The following ANKRD46 variants were observed in gnomAD, a reference collection of about 807,000 sequenced individuals.
ANKRD46 encodes the protein ankyrin repeat domain-containing protein 46.
Under a neutral mutation model 19.8 loss-of-function variants are expected in ANKRD46, and 13 were observed. That is an observed-to-expected ratio of 0.66 (90% CI 0.43 to 1.04). The LOEUF is 1.04. Ranked by LOEUF, ANKRD46 falls within the 50% of genes least tolerant of loss-of-function variation. ANKRD46 has a pLI of 0.00. For missense variants in ANKRD46, 185 were observed against 274.8 expected (o/e 0.67, Z 2.31); for synonymous variants, 91 against 106.9 (o/e 0.85, Z 0.92).
downstream of ANKRD46, among the ~76,000 whole-genome samples, chr8:100,518,580 G>C (rs1024099855): frequency 6.6e-6 from 1 of 152,016 alleles, no homozygotes; most frequent in Non-Finnish European, 1.5e-5. Context: ...GGCCGGGTGG[G>C]GTGGCTCACG....
rs992655694 is a variant in ANKRD46 at position 100,528,643 on chromosome 8, T to A, written c.312-640A>T. ...CATTTTATGAGACAAGTACTTTTTT[T>A]AAAAAAGTCTAAGAAAAAAATGTCA... On this transcript the variant is annotated intron_variant, in intron 3 of 4. Coordinates refer to ENST00000335659, the MANE Select transcript of ANKRD46 (RefSeq NM_001270377.2). Among the ~76,000 whole-genome samples, 23 of 152,096 alleles carry A rather than the reference T, an allele frequency of 1.5e-4. 1 individual carries two copies. Among genetic ancestry groups the A allele is most frequent in the African/African-American group, 4.3e-4 (18 of 41,506 alleles).
At chr8:100,556,705 T>A (rs1812507442) in intron 1 of ANKRD46, 1 of 152,204 alleles carries the variant, frequency 6.6e-6, no homozygotes, top group Non-Finnish European at 1.5e-5. Context: ...ACCTTCCTAT[T>A]ACTAAATCCA....
Position 100,524,642 on chromosome 8 carries a change from A to G in ANKRD46, c.471-1871T>C, listed in dbSNP as rs144024825. ...TAAGATTAGAACTTTGAGAAGGCCT[A>G]AAAGAGTAAAACCACAAATAGATAA... On this transcript the variant is annotated intron_variant, in intron 4 of 4. Coordinates refer to ENST00000335659, the MANE Select transcript of ANKRD46 (RefSeq NM_001270377.2). The surrounding 1 kb of genome is among the most constrained non-coding windows in gnomAD (Gnocchi z 4.3). 1.2e-3 allele frequency among the ~76,000 whole-genome samples: 176 copies of G among 152,320 alleles called. No homozygotes were observed. The highest frequency in any genetic ancestry group is 4.1e-3 in the African/African-American group (170 of 41,572).
At chr8:100,528,047 C>G (rs1811878861) in intron 3 of ANKRD46, 44 bp from the exon 4 acceptor site, 2 of 1,474,894 alleles carry the variant, frequency 1.4e-6, no homozygotes, top group Non-Finnish European at 1.8e-6. Context: ...AATAAAGAAG[C>G]CATCATAGCA....
intron 1 of ANKRD46, among the ~76,000 whole-genome samples, chr8:100,555,165 T>C (rs1812468009): frequency 6.6e-6 from 1 of 152,150 alleles, no homozygotes; most frequent in African/African-American, 2.4e-5. Context: ...CTCTAATTAT[T>C]TTCCTTATAG....
Position 100,510,445 on chromosome 8 carries a change from T to C in ANKRD46, c.*132A>G. 1.2e-6 allele frequency: 1 copy of C among 838,564 alleles called. No homozygotes were observed. 51.9% of individuals were successfully genotyped at this position (838,564 alleles called of 1,614,324 possible). Reference sequence around the variant, plus strand: ...GTAGCAGGTCCCTCTGCCTCCTAACTGCAGAGCTTTGAGATGATGCTCCAT... The same window carrying C: ...GTAGCAGGTCCCTCTGCCTCCTAACCGCAGAGCTTTGAGATGATGCTCCAT... On this transcript the variant is annotated 3_prime_UTR_variant, in exon 6 of 6. Coordinates refer to the ANKRD46 transcript ENST00000520552. The surrounding 1 kb of genome is among the most constrained non-coding windows in gnomAD (Gnocchi z 4.9).
chr8:100,517,283 G>A (rs560498552), downstream of ANKRD46, among the ~76,000 whole-genome samples: 1 of 152,282 alleles, frequency 6.6e-6, no homozygotes, highest in South Asian at 2.1e-4. Context: ...TACCTTTGCT[G>A]CCCAAGAGTA....
intron 5 of ANKRD46, among the ~76,000 whole-genome samples, chr8:100,513,313 C>T (rs1811578579): frequency 1.3e-5 from 2 of 152,290 alleles, no homozygotes; most frequent in South Asian, 4.1e-4. Context: ...TGACTCTACT[C>T]CCTGACTTTA....
intron 1 of ANKRD46, among the ~76,000 whole-genome samples, chr8:100,555,910 T>C (rs1812490540): frequency 6.6e-6 from 1 of 152,200 alleles, no homozygotes; most frequent in Admixed American, 6.5e-5. Context: ...AAAAGGCACA[T>C]TTATCCAGTC....
chr8:100,519,670 G>C (rs1004225806), downstream of ANKRD46, among the ~76,000 whole-genome samples: 1 of 152,190 alleles, frequency 6.6e-6, no homozygotes, highest in Admixed American at 6.5e-5. Context: ...AGTGGCAGGT[G>C]AATATTGTTC....
At chr8:100,549,713 A>C (rs1812343244) in intron 1 of ANKRD46, among the ~76,000 whole-genome samples, 1 of 152,196 alleles carries the variant, frequency 6.6e-6, no homozygotes. Context: ...CCCAGAGTCC[A>C]TAGTTTGCAT....
intron 5 of ANKRD46, among the ~76,000 whole-genome samples, chr8:100,513,934 T>G (rs1811588808): frequency 6.6e-6 from 1 of 152,214 alleles, no homozygotes; most frequent in East Asian, 1.9e-4. Flanking sequence ...TCAAAACCTA[T>G]TTTTATTTCT....
intron 1 of ANKRD46, among the ~76,000 whole-genome samples, chr8:100,553,333 T>C (rs16898575): frequency 1.3e-5 from 2 of 152,242 alleles, no homozygotes; most frequent in African/African-American, 4.8e-5. Context: ...TAAATTAACG[T>C]AGCAGCAATG....
Position 100,521,663 on chromosome 8 carries a change from A to G in ANKRD46, c.*892T>C, listed in dbSNP as rs1377398954. ...ACATGAAATAATTATGAACTATGAT[A>G]AAACTGTGACAACACAGCTAGCTTA... On this transcript the variant is annotated 3_prime_UTR_variant, in exon 5 of 5. Transcript: ENST00000335659. 23 of 985,338 alleles carry G rather than the reference A, an allele frequency of 2.3e-5. No individual in the cohort carries two copies. Among genetic ancestry groups the G allele is most frequent in the Non-Finnish European group, 3.6e-6 (3 of 829,914 alleles). The allele number at this position is 985,338 out of a possible 1,614,324, so 61.0% of individuals were successfully genotyped here.
chr8:100,557,705 T>C lies in ANKRD46; in HGVS notation c.-131+2006A>G, dbSNP rs960577145. Among the ~76,000 whole-genome samples the C allele has an allele frequency of 1.1e-4, 16 of 152,204 alleles. No individual in the cohort carries two copies. The highest frequency in any genetic ancestry group is 3.9e-4 in the African/African-American group (16 of 41,450). On this transcript the variant is annotated intron_variant, in intron 1 of 4. Transcript: ENST00000335659. The surrounding 1 kb of genome is among the most constrained non-coding windows in gnomAD (Gnocchi z 5.9). ...TACTGGCCTCCTTGCTGTTCCTCTC[T>C]TGCTGTCCCTCTAACAAGACTGAAG...
intron 1 of ANKRD46, among the ~76,000 whole-genome samples, chr8:100,542,640 G>T (rs1812197212): frequency 6.6e-6 from 1 of 152,012 alleles, no homozygotes; most frequent in South Asian, 2.1e-4. Flanking sequence ...TCTTTTTTGA[G>T]AGTAGGAAGT....
rs1018005949 is a variant in ANKRD46 at position 100,524,670 on chromosome 8, C to T, written c.471-1899G>A. Among the ~76,000 whole-genome samples the T allele has an allele frequency of 3.3e-5, 5 of 152,128 alleles. No individual in the cohort carries two copies. The highest frequency in any genetic ancestry group is 7.4e-5 in the Non-Finnish European group (5 of 68,008). ...AGAGTAAAACCACAAATAGATAACA[C>T]AGTTCTGCAGAGGCTTAGTTTGACC... On this transcript the variant is annotated intron_variant, in intron 4 of 4. Coordinates refer to ENST00000335659, the MANE Select transcript of ANKRD46 (RefSeq NM_001270377.2). The surrounding 1 kb of genome is among the most constrained non-coding windows in gnomAD (Gnocchi z 4.3).
chr8:100,528,085 T>C (rs1811879867), intron 3 of ANKRD46, 82 bp from the exon 4 acceptor site: 1 of 1,360,816 alleles, frequency 7.3e-7, no homozygotes, highest in Non-Finnish European at 9.6e-7. Flanking sequence ...GTTCCATTTT[T>C]AGTACCCACT....
rs1812515113 is a variant in ANKRD46 at position 100,557,055 on chromosome 8, C to T, written c.-131+2656G>A. Reference sequence around the variant, plus strand: ...CACACATATAACGATAGCTGATGAGCTTAAAAAAAAATACAATCAATCTCA... The same window carrying T: ...CACACATATAACGATAGCTGATGAGTTTAAAAAAAAATACAATCAATCTCA... On this transcript the variant is annotated intron_variant, in intron 1 of 4. Coordinates refer to ENST00000335659, the MANE Select transcript of ANKRD46 (RefSeq NM_001270377.2). The surrounding 1 kb of genome is among the most constrained non-coding windows in gnomAD (Gnocchi z 5.9). Among the ~76,000 whole-genome samples, 1 of 121,254 alleles carries T rather than the reference C, an allele frequency of 8.2e-6. No individual in the cohort carries two copies. The highest frequency in any genetic ancestry group is 7.9e-5 in the Admixed American group (1 of 12,638). 79.5% of individuals were successfully genotyped at this position (121,254 alleles called of 152,430 possible). A position where few individuals can be genotyped will look rare whatever the true frequency, so the allele number is the denominator to read the frequency against.
Sources: allele counts gnomAD v4.1 joint callset (sites outside exome capture counted in the v4.1 genomes callset), GRCh38; gene constraint gnomAD v4.1.1; non-coding constraint Gnocchi (gnomAD v3.1); transcripts MANE v1.5; gene names NCBI Gene and HGNC (gene_info 2026-07-23, HGNC 2026-07-21).